The following COL15A1 variants were observed in gnomAD, a reference collection of about 807,000 sequenced individuals.
The protein encoded by COL15A1 is collagen alpha-1(XV) chain.
Under a neutral mutation model 165.9 loss-of-function variants are expected in COL15A1, and 111 were observed. That is an observed-to-expected ratio of 0.67 (90% confidence interval 0.57 to 0.78). The LOEUF (loss-of-function observed/expected upper bound fraction) is 0.78, where lower values mean the gene tolerates loss of function less well. Ranked by LOEUF, COL15A1 falls within the 30% of genes least tolerant of loss-of-function variation. The pLI, the probability that COL15A1 is intolerant of heterozygous loss-of-function variation, is 0.00. For missense variants in COL15A1, 1,745 were observed against 1,789.7 expected, an observed-to-expected ratio of 0.98 and a Z score of 0.45; for synonymous variants, 659 against 674.8, an observed-to-expected ratio of 0.98 and a Z score of 0.36.
chr9:99,023,293 T>C (rs1839058025), intron 13 of COL15A1, 64 bp from the exon 14 acceptor site: 1 of 1,520,470 alleles, frequency 6.6e-7, no homozygotes, highest in South Asian at 1.3e-5. Context: ...GAAAACTCAG[T>C]GACGTGGCTG....
chr9:98,979,676 C>A (rs1016599016), intron 2 of COL15A1, among the ~76,000 whole-genome samples: 1 of 149,838 alleles, frequency 6.7e-6, no homozygotes, highest in African/African-American at 2.4e-5. Flanking sequence ...TTTATTAGTT[C>A]TATGCAGAAC....
At chr9:98,953,311 G>C (rs146521907) in intron 2 of COL15A1, among the ~76,000 whole-genome samples, 5 of 152,250 alleles carry the variant, frequency 3.3e-5, no homozygotes, top group African/African-American at 1.2e-4. Flanking sequence ...CCAAACTACA[G>C]AGAGGAAAAG....
At chr9:99,039,315 C>G (rs189742540) in intron 22 of COL15A1, among the ~76,000 whole-genome samples, 2 of 152,286 alleles carry the variant, frequency 1.3e-5, no homozygotes, top group African/African-American at 4.8e-5. Context: ...TTGAGACCAG[C>G]CTGGCCAACA....
rs145891402 is a variant in COL15A1 at position 99,015,462 on chromosome 9, G to A, written c.1399G>A (p.Glu467Lys). 231 of 1,608,290 alleles carry A rather than the reference G, an allele frequency of 1.4e-4. 1 individual carries two copies. In the South Asian group the frequency reaches 1.9e-3, roughly 13 times the overall value. ...TTTAACAACAGCTGCAGCTGCAACC[G>A]AAGTGTCCCTCAGTACTTTTGAGGA... ...DSLTTAAAATEVSLSTFEDEE... is the reference protein window; with the variant it reads ...DSLTTAAAATKVSLSTFEDEE... The change falls in exon 10 of 42, where the codon GAA becomes AAA. Residue 467 changes from glutamate to lysine, a missense_variant. Transcript: ENST00000375001.
intron 35 of COL15A1, among the ~76,000 whole-genome samples, chr9:99,056,907 A>G (rs1332475560): frequency 6.6e-6 from 1 of 152,240 alleles, no homozygotes; most frequent in Non-Finnish European, 1.5e-5. Flanking sequence ...GCCAAATAAT[A>G]TTGCATTGTA....
chr9:99,042,256 G>C, intron 24 of COL15A1, 149 bp downstream of exon 24: 2 of 596,138 alleles, frequency 3.4e-6, no homozygotes, highest in East Asian at 5.8e-5. Flanking sequence ...ACAATTCAGT[G>C]ATTTTTGGTG....
At chr9:99,004,801 AG>A in intron 8 of COL15A1, 96 bp from the exon 9 acceptor site, 1 of 1,345,976 alleles carries the variant, frequency 7.4e-7, no homozygotes, top group African/African-American at 1.4e-5. Context: ...CTTGGTGTGC[AG>A]GTGCTTTGAG....
Position 99,040,482 on chromosome 9 carries a change from G to A in COL15A1, c.2476-39G>A, listed in dbSNP as rs766718590. On this transcript the variant is annotated intron_variant, in intron 22 of 41. Transcript: ENST00000375001. ...GGGTCCTGCTGACTCTGGAAATGCCGCTCCTAATCCAGCGTGCTCTATCTT... is the reference window on the plus strand; with the variant it reads ...GGGTCCTGCTGACTCTGGAAATGCCACTCCTAATCCAGCGTGCTCTATCTT... The A allele has an allele frequency of 3.1e-5, 50 of 1,613,970 alleles. No individual in the cohort carries two copies. The East Asian group carries it at 5.6e-4, about 18-fold the overall frequency.
At chr9:98,959,160 G>A (rs562836035) in intron 2 of COL15A1, among the ~76,000 whole-genome samples, 2 of 149,916 alleles carry the variant, frequency 1.3e-5, no homozygotes, top group African/African-American at 2.5e-5. Context: ...GGAAGCCGAG[G>A]TGGGAGGATC....
chr9:99,062,476 A>T (rs1190466904), intron 38 of COL15A1, among the ~76,000 whole-genome samples, 172 bp downstream of exon 38: 1 of 152,190 alleles, frequency 6.6e-6, no homozygotes, highest in Non-Finnish European at 1.5e-5. Flanking sequence ...CCCACAGTAG[A>T]GCGGAGGAAT....
Position 99,059,913 on chromosome 9 carries a change from G to A in COL15A1, c.3362G>A (p.Gly1121Asp), listed in dbSNP as rs754161161. ...GAAVALPGPP[G>D]PPGQPGLPGS... The stretch of plus-strand genomic sequence containing the variant: ...GCTGTGGCCCTTCCAGGTCCCCCTG[G>A]CCCTCCAGGACAGCCAGGGCTTCCC... The change falls in exon 36 of 42, where the codon GGC becomes GAC. Residue 1121 changes from glycine to aspartate, a missense_variant. Coordinates refer to ENST00000375001, the MANE Select transcript of COL15A1 (RefSeq NM_001855.5). 5.0e-6 allele frequency: 8 copies of A among 1,613,752 alleles called. No individual in the cohort carries two copies. The East Asian group carries it at 1.1e-4, about 22-fold the overall frequency.
chr9:98,982,174 A>C (rs1423457340), intron 2 of COL15A1, among the ~76,000 whole-genome samples: 8 of 152,182 alleles, frequency 5.3e-5, no homozygotes, highest in Non-Finnish European at 1.0e-4. Flanking sequence ...GCTGAAGTGC[A>C]GTGGCATGAT....
chr9:99,039,656 C>T (rs1839366691), intron 22 of COL15A1, among the ~76,000 whole-genome samples: 1 of 152,246 alleles, frequency 6.6e-6, no homozygotes, highest in African/African-American at 2.4e-5. Flanking sequence ...ATCTGCTGGT[C>T]AGCACAGGAG....
chr9:99,033,858 C>T (rs1183684608), intron 16 of COL15A1, among the ~76,000 whole-genome samples: 2 of 152,122 alleles, frequency 1.3e-5, no homozygotes, highest in Non-Finnish European at 2.9e-5. Context: ...TACCACAGTC[C>T]TCTGATGTAG....
chr9:99,068,271 G>A (rs1338124350), intron 40 of COL15A1, among the ~76,000 whole-genome samples: 1 of 151,960 alleles, frequency 6.6e-6, no homozygotes, highest in East Asian at 1.9e-4. Flanking sequence ...TTCGAGACCA[G>A]CCTGACCAAC....
At chr9:99,015,369 A>C (rs777003566) in intron 9 of COL15A1, 48 bp from the exon 10 acceptor site, 6 of 1,427,386 alleles carry the variant, frequency 4.2e-6, no homozygotes, top group African/African-American at 1.4e-5. Flanking sequence ...CCACTGAACC[A>C]GGGGCATGGG....
rs1357293837 is a variant in COL15A1, at chr9:99,020,283, C to G, written c.1648-106C>G. On this transcript the variant is annotated intron_variant, in intron 11 of 41. Transcript: ENST00000375001. ...GACTTCAGCCCAGTACAAGCCCTAG[C>G]TCATGCCCAGCTCACTGACCAGGAC... is the stretch of plus-strand genomic sequence containing the variant. 3.7e-6 allele frequency: 3 copies of G among 821,610 alleles called. No homozygotes were observed. The Admixed American group carries it at 5.3e-5, about 14-fold the overall frequency. The allele number at this position is 821,610 out of a possible 1,614,324, so 50.9% of individuals were successfully genotyped here.
At position 99,044,421 on chromosome 9, in the gene COL15A1, G is replaced by A; in HGVS notation, c.2575-147G>A. The A allele has an allele frequency of 7.1e-6, 5 of 704,136 alleles. No individual in the cohort carries two copies. In the South Asian group the frequency reaches 8.6e-5, roughly 12 times the overall value. 43.6% of individuals were successfully genotyped at this position (704,136 alleles called of 1,614,324 possible). ...TAATTTTGGAGCAGTGGGGTTTCAA[G>A]TAGGATGAAGGCAAGAGAAATAAAT... On this transcript the variant is annotated intron_variant, in intron 24 of 41. Transcript: ENST00000375001.
chr9:99,005,517 C>G (rs1396327974), intron 9 of COL15A1, among the ~76,000 whole-genome samples: 2 of 152,154 alleles, frequency 1.3e-5, no homozygotes, highest in African/African-American at 2.4e-5. Flanking sequence ...CAGTCTGTCC[C>G]TGTGCTGTCT....
Sources: allele counts gnomAD v4.1 joint callset (sites outside exome capture counted in the v4.1 genomes callset), GRCh38; gene constraint gnomAD v4.1.1; transcripts MANE v1.5; gene names NCBI Gene and HGNC (gene_info 2026-07-23, HGNC 2026-07-21).